Variants in ITGB3 observed in about 807,000 individuals in gnomAD.
The protein encoded by ITGB3 is integrin subunit beta 3.
Under a neutral mutation model 85.8 loss-of-function variants are expected in ITGB3, and 48 were observed. The ratio of observed to expected loss-of-function variants is 0.56; its 90% CI spans 0.44 to 0.71. The LOEUF (loss-of-function observed/expected upper bound fraction) is 0.71, where lower values mean the gene tolerates loss of function less well. Ranked by LOEUF, ITGB3 falls within the 30% of genes least tolerant of loss-of-function variation. ITGB3 has a pLI of 0.00. For missense variants in ITGB3, 861 were observed against 1,019.1 expected, an observed-to-expected ratio of 0.84 and a Z score of 2.11; for synonymous variants, 363 against 395.6, an observed-to-expected ratio of 0.92 and a Z score of 0.98.
intron 2 of ITGB3, among the ~76,000 whole-genome samples, chr17:47,280,268 G>A (rs955054231): frequency 1.3e-5 from 2 of 152,232 alleles, no homozygotes; most frequent in Non-Finnish European, 2.9e-5. Flanking sequence ...ATCCACGTGG[G>A]GAAGGCTTCA....
At chr17:47,286,972 C>G in intron 5 of ITGB3, 98 bp from the exon 6 acceptor site, 2 of 1,298,240 alleles carry the variant, frequency 1.5e-6, no homozygotes, top group Non-Finnish European at 2.2e-6. Context: ...CTGTCCAGCC[C>G]TTTAGCCAGG....
rs781625616 is a variant in ITGB3 at position 47,287,161 on chromosome 17, G to T, written c.869G>T (p.Gly290Val). 6.2e-7 allele frequency: 1 copy of T among 1,613,898 alleles called. No individual in the cohort carries two copies. Among genetic ancestry groups the T allele is most frequent in the Non-Finnish European group, 8.5e-7 (1 of 1,179,830 alleles). Residue 290 changes from glycine (G) to valine (V), a missense_variant, in exon 6 of 15, where the codon GGC becomes GTC. By Grantham distance (109) the Gly-to-Val change is moderately radical. Transcript: ENST00000559488. ...THIALDGRLA[G>V]IVQPNDGQCH... is the part of the protein sequence containing the mutation. ...ATAGCATTGGACGGAAGGCTGGCAG[G>T]CATTGTCCAGCCTAATGACGGGCAG...
intron 10 of ITGB3, among the ~76,000 whole-genome samples, chr17:47,298,360 C>G (rs2065153465): frequency 6.6e-6 from 1 of 152,160 alleles, no homozygotes; most frequent in South Asian, 2.1e-4. Flanking sequence ...TTTAACTGCA[C>G]TGGCCCTCGG....
intron 3 of ITGB3, 22 bp from the exon 4 acceptor site, chr17:47,284,421 C>T: frequency 6.2e-7 from 1 of 1,613,994 alleles, no homozygotes; most frequent in Non-Finnish European, 8.5e-7. Context: ...AAGATAAAAA[C>T]TAACATCTTT....
chr17:47,297,590 G>A (rs2065150470), intron 10 of ITGB3, among the ~76,000 whole-genome samples: 1 of 152,014 alleles, frequency 6.6e-6, no homozygotes. Flanking sequence ...CGGGAGGTGG[G>A]GGTTTACAGT....
At chr17:47,270,171 A>G (rs1040655094) in intron 1 of ITGB3, among the ~76,000 whole-genome samples, 5 of 152,214 alleles carry the variant, frequency 3.3e-5, no homozygotes, top group African/African-American at 1.2e-4. Context: ...ACTACAGTTC[A>G]AGATGAGTTT....
rs1210313903 is a variant in ITGB3 at position 47,310,461 on chromosome 17, T to G, written c.*257T>G. Reference sequence around the variant, plus strand: ...TCCTGATAAGCTGAGCTCCTTAGCCTTTGTCCCAGAATGCCTCCTGCAGGG... The same window carrying G: ...TCCTGATAAGCTGAGCTCCTTAGCCGTTGTCCCAGAATGCCTCCTGCAGGG... On this transcript the variant is annotated 3_prime_UTR_variant, in exon 15 of 15. Coordinates refer to ENST00000559488, the MANE Select transcript of ITGB3 (RefSeq NM_000212.3). 1.8e-6 allele frequency: 1 copy of G among 557,940 alleles called. No homozygotes were observed. The highest frequency in any genetic ancestry group is 3.3e-6 in the Non-Finnish European group (1 of 301,710). 34.6% of individuals were successfully genotyped at this position (557,940 alleles called of 1,614,324 possible). A position where few individuals can be genotyped will look rare whatever the true frequency, so the allele number is the denominator to read the frequency against.
At chr17:47,266,671 A>G (rs1330375489) in intron 1 of ITGB3, among the ~76,000 whole-genome samples, 1 of 152,084 alleles carries the variant, frequency 6.6e-6, no homozygotes, top group African/African-American at 2.4e-5. Context: ...TCAACCTCCC[A>G]GGTCCAGCTG....
chr17:47,298,819 T>A (rs558126764), intron 10 of ITGB3, among the ~76,000 whole-genome samples: 1 of 151,698 alleles, frequency 6.6e-6, no homozygotes, highest in Non-Finnish European at 1.5e-5. Flanking sequence ...AGGGAGAGAG[T>A]TTTGGGGCCT....
Position 47,253,955 on chromosome 17 carries a change from G to A in ITGB3, c.79+15G>A, listed in dbSNP as rs1480456706. Reference sequence around the variant, plus strand: ...TGGCGTAGGAGGTGAGTGAGGCTCCGGCTCGGCAGCGTCGCAGCTGCCCCA... The same window carrying A: ...TGGCGTAGGAGGTGAGTGAGGCTCCAGCTCGGCAGCGTCGCAGCTGCCCCA... On this transcript the variant is annotated intron_variant, in intron 1 of 14. Coordinates refer to ENST00000559488, the MANE Select transcript of ITGB3 (RefSeq NM_000212.3). 48 of 1,401,932 alleles carry A rather than the reference G, an allele frequency of 3.4e-5. No individual in the cohort carries two copies. The highest frequency in any genetic ancestry group is 4.5e-5 in the Non-Finnish European group (48 of 1,069,132). 86.8% of individuals were successfully genotyped at this position (1,401,932 alleles called of 1,614,324 possible).
intron 1 of ITGB3, among the ~76,000 whole-genome samples, chr17:47,273,413 T>C (rs75377028): frequency 0.018 from 2,760 of 152,280 alleles, 42 homozygotes; most frequent in Non-Finnish European, 0.028. Context: ...GGAAGAAGGG[T>C]TCACCTGGCT....
intron 10 of ITGB3, among the ~76,000 whole-genome samples, chr17:47,295,239 G>C (rs1271694665): frequency 6.6e-6 from 1 of 152,154 alleles, no homozygotes; most frequent in African/African-American, 2.4e-5. Context: ...GTAGGCCTGG[G>C]TGGCTTCATG....
At chr17:47,283,248 T>A (rs1262201528) in intron 2 of ITGB3, 106 bp from the exon 3 acceptor site, 2 of 1,037,952 alleles carry the variant, frequency 1.9e-6, no homozygotes, top group Admixed American at 1.9e-5. Flanking sequence ...TATGCTCCAA[T>A]GTACGGGGTA....
chr17:47,280,735 G>C (rs2065080992), intron 2 of ITGB3, among the ~76,000 whole-genome samples: 1 of 152,096 alleles, frequency 6.6e-6, no homozygotes, highest in Non-Finnish European at 1.5e-5. Context: ...GGTTGCTTGA[G>C]GGGGCTGAGG....
chr17:47,281,854 G>C (rs1160421186), intron 2 of ITGB3, among the ~76,000 whole-genome samples: 1 of 152,206 alleles, frequency 6.6e-6, no homozygotes, highest in Non-Finnish European at 1.5e-5. Flanking sequence ...TTTAGCCTGT[G>C]TGACATCCCT....
At chr17:47,265,770 C>T (rs1471361174) in intron 1 of ITGB3, among the ~76,000 whole-genome samples, 2 of 152,160 alleles carry the variant, frequency 1.3e-5, no homozygotes, top group African/African-American at 4.8e-5. Flanking sequence ...ATGTTAAATA[C>T]CGTACTTAAC....
intron 9 of ITGB3, 65 bp from the exon 10 acceptor site, chr17:47,292,074 T>A (rs2065128507): frequency 1.3e-6 from 2 of 1,564,278 alleles, no homozygotes; most frequent in African/African-American, 2.7e-5. Context: ...ACTTTTTTTT[T>A]CCTCCAGAGC....
At chr17:47,257,447 C>T (rs1465079099) in intron 1 of ITGB3, among the ~76,000 whole-genome samples, 1 of 152,234 alleles carries the variant, frequency 6.6e-6, no homozygotes, top group Non-Finnish European at 1.5e-5. Flanking sequence ...ATCTATAAGA[C>T]TTCAAGTTCC....
intron 13 of ITGB3, among the ~76,000 whole-genome samples, chr17:47,306,324 G>T (rs562824374): frequency 1.3e-5 from 2 of 152,302 alleles, no homozygotes; most frequent in African/African-American, 4.8e-5. Context: ...ATCCAGGCTG[G>T]AGAGCAGTGG....
Sources: allele counts gnomAD v4.1 joint callset (sites outside exome capture counted in the v4.1 genomes callset), GRCh38; gene constraint gnomAD v4.1.1; transcripts MANE v1.5; gene names NCBI Gene and HGNC (gene_info 2026-07-23, HGNC 2026-07-21).